SEPTIN12: variants seen among roughly 807,000 people sequenced by gnomAD.
The protein encoded by SEPTIN12 is septin-12.
A neutral mutation model predicts 37.7 loss-of-function variants in SEPTIN12; 42 were observed. The ratio of observed to expected loss-of-function variants is 1.11; its 90% CI spans 0.87 to 1.44. The LOEUF is 1.44. Ranked by LOEUF, SEPTIN12 falls within the 40% of genes most tolerant of loss-of-function variation. The pLI is 0.00. For synonymous variants in SEPTIN12, 254 were observed against 196.7 expected (o/e 1.29, Z -2.44); for missense variants, 613 against 479.2 (o/e 1.28, Z -2.61).
chr16:4,783,763 CAGGCTGCCGG>C lies in SEPTIN12; in HGVS notation c.513-7_515del, dbSNP rs754056640. 1 of 1,613,622 alleles carries C rather than the reference CAGGCTGCCGG, an allele frequency of 6.2e-7. No individual in the cohort carries two copies. The highest frequency in any genetic ancestry group is 1.1e-5 in the South Asian group (1 of 91,082). On this transcript the variant is annotated splice_acceptor_variant and splice_polypyrimidine_tract_variant and coding_sequence_variant and intron_variant, in exon 6 of 10. Coordinates refer to ENST00000268231, the MANE Select transcript of SEPTIN12 (RefSeq NM_144605.5). LOFTEE classifies it high-confidence loss of function. ...GCAGGAACTCAATGTCCAGGGGCCGCAGGCTGCCGGAGGCAGGGCAGTGATGGGGGTGGCG... is the reference window on the plus strand; with the variant it reads ...GCAGGAACTCAATGTCCAGGGGCCGCAGGCAGGGCAGTGATGGGGGTGGCG...
upstream of SEPTIN12, among the ~76,000 whole-genome samples, chr16:4,789,278 T>G (rs971947002): frequency 1.3e-5 from 2 of 152,080 alleles, no homozygotes; most frequent in African/African-American, 4.8e-5. Flanking sequence ...TCCCAAAGTG[T>G]TGGGATTAGT....
At chr16:4,789,884 TTTTCTTTCTTTTCTCCTTTCTTTTC>T (rs1337116893), upstream of SEPTIN12, 5 of 152,032 alleles carry the variant, frequency 3.3e-5, no homozygotes, top group African/African-American at 1.2e-4. Context: ...TCTCTTTCTT[TTTTCTTTCTTTTCTCCTTTCTTTTC>T]TTTCTTTTTT....
At chr16:4,791,443 G>A (rs540942163), upstream of SEPTIN12, among the ~76,000 whole-genome samples, 1 of 152,108 alleles carries the variant, frequency 6.6e-6, no homozygotes. Flanking sequence ...CTCTGACATC[G>A]ATGATCAGTT....
At chr16:4,791,607 TGACTC>T (rs1172890588), upstream of SEPTIN12, among the ~76,000 whole-genome samples, 3 of 152,188 alleles carry the variant, frequency 2.0e-5, no homozygotes, top group Non-Finnish European at 4.4e-5. Context: ...TCCAGAAGTC[TGACTC>T]ACCGGAACCA....
upstream of SEPTIN12, among the ~76,000 whole-genome samples, chr16:4,789,025 T>C (rs2082506178): frequency 6.6e-6 from 1 of 152,244 alleles, no homozygotes; most frequent in African/African-American, 2.4e-5. Context: ...TTTCTTTTTT[T>C]GTTGTTTGTT....
intron 7 of SEPTIN12, among the ~76,000 whole-genome samples, chr16:4,781,829 A>C (rs952147394): frequency 1.3e-5 from 2 of 150,056 alleles, no homozygotes; most frequent in African/African-American, 4.9e-5. Flanking sequence ...TTTTTAGGAG[A>C]GACGGGATTT....
chr16:4,779,691 T>A lies in SEPTIN12; in HGVS notation c.822A>T (p.Glu274Asp), dbSNP rs774890539. 5.6e-6 allele frequency: 9 copies of A among 1,607,790 alleles called. No individual in the cohort carries two copies. The Admixed American group carries it at 1.0e-4, about 18-fold the overall frequency. Reference protein sequence around the residue: ...LGRKTKWGIIEVENMAHCEFP... With the variant: ...LGRKTKWGIIDVENMAHCEFP... ...CCTACCCAGGGGCCCCGCACTGACC[T>A]TCAATGATGCCCCACTTGGTCTTCC... Residue 274 changes from glutamate (E) to aspartate (D), a missense_variant and splice_region_variant, in exon 8 of 10, where the codon GAA becomes GAT. Transcript: ENST00000268231.
At position 4,778,066 on chromosome 16, in the gene SEPTIN12, C is replaced by T. The variant is rs760497487; in HGVS notation, c.875+20G>A. 6.2e-7 allele frequency: 1 copy of T among 1,614,042 alleles called. No individual in the cohort carries two copies. The highest frequency in any genetic ancestry group is 1.1e-5 in the South Asian group (1 of 91,068). ...GGGCCCCTCGCCAGCCCCCTAGCCC[C>T]AGGCTCCCCACACCCTCACCGGATA... is the stretch of plus-strand genomic sequence containing the variant. On this transcript the variant is annotated intron_variant, in intron 9 of 9. Transcript: ENST00000268231.
intron 7 of SEPTIN12, 117 bp downstream of exon 7, chr16:4,783,345 T>C (rs777073665): frequency 1.2e-6 from 1 of 821,464 alleles, no homozygotes; most frequent in African/African-American, 1.7e-5. Flanking sequence ...TAGAGAATCA[T>C]ATCTGCTAGG....
upstream of SEPTIN12, among the ~76,000 whole-genome samples, chr16:4,790,975 C>G (rs2141890681): frequency 6.6e-6 from 1 of 152,292 alleles, no homozygotes; most frequent in East Asian, 1.9e-4. Flanking sequence ...GCACGGGGGC[C>G]TCTCCCATAA....
chr16:4,788,785 C>T (rs1165770960), upstream of SEPTIN12: 1 of 152,218 alleles, frequency 6.6e-6, no homozygotes, highest in African/African-American at 2.4e-5. Flanking sequence ...AGTGCTGTTA[C>T]TACCCCAAGC....
Position 4,787,498 on chromosome 16 carries a change from A to G in SEPTIN12, c.148T>C (p.Phe50Leu), listed in dbSNP as rs1163319448. Residue 50 changes from phenylalanine to leucine, a missense_variant, in exon 2 of 10, where the codon TTC becomes CTC. Physicochemically the swap from Phe to Leu is conservative, Grantham distance 22. Coordinates refer to ENST00000268231, the MANE Select transcript of SEPTIN12 (RefSeq NM_144605.5). Reference sequence around the variant, plus strand: ...CACTCACCCACCACCATGATGTTGAACTCAAACCCCATCTTCATAGCCTTG... The same window carrying G: ...CACTCACCCACCACCATGATGTTGAGCTCAAACCCCATCTTCATAGCCTTG... ...KIKAMKMGFE[F>L]NIMVVGQSGL... is the part of the protein sequence containing the mutation. 4 of 1,613,024 alleles carry G rather than the reference A, an allele frequency of 2.5e-6. No homozygotes were observed. In the East Asian group the frequency reaches 6.7e-5, roughly 27 times the overall value.
chr16:4,779,694 A>C lies in SEPTIN12; in HGVS notation c.819T>G (p.Ile273Met). 2 of 1,608,712 alleles carry C rather than the reference A, an allele frequency of 1.2e-6. No individual in the cohort carries two copies. Among genetic ancestry groups the C allele is most frequent in the South Asian group, 2.2e-5 (2 of 91,010 alleles). Residue 273 changes from isoleucine to methionine, a missense_variant, in exon 8 of 10, where the codon ATT becomes ATG. Transcript: ENST00000268231. ...VLGRKTKWGI[I>M]EVENMAHCEF... ...ACCCAGGGGCCCCGCACTGACCTTC[A>C]ATGATGCCCCACTTGGTCTTCCGGC... is the stretch of plus-strand genomic sequence containing the variant.
intron 7 of SEPTIN12, among the ~76,000 whole-genome samples, chr16:4,780,876 G>A (rs910945202): frequency 6.6e-6 from 1 of 152,166 alleles, no homozygotes; most frequent in Non-Finnish European, 1.5e-5. Context: ...TACTCAGGAG[G>A]CTGAGGTGGG....
intron 1 of SEPTIN12, chr16:4,787,931 G>A (rs987819716): frequency 4.2e-5 from 15 of 359,288 alleles, no homozygotes; most frequent in Non-Finnish European, 6.6e-5. Context: ...AGCCCAGGCA[G>A]GGGCCTCTCA....
chr16:4,780,705 G>A (rs185932076), intron 7 of SEPTIN12, among the ~76,000 whole-genome samples: 8 of 152,272 alleles, frequency 5.3e-5, no homozygotes, highest in Admixed American at 1.3e-4. Context: ...AATATTGGGC[G>A]TGGTGGCTCA....
chr16:4,785,191 C>T (rs113890721), intron 4 of SEPTIN12, among the ~76,000 whole-genome samples: 1 of 151,820 alleles, frequency 6.6e-6, no homozygotes, highest in African/African-American at 2.4e-5. Context: ...GCGGAGGTTG[C>T]AGTGAGCAGA....
At chr16:4,781,513 T>C (rs1465435074) in intron 7 of SEPTIN12, among the ~76,000 whole-genome samples, 1 of 152,166 alleles carries the variant, frequency 6.6e-6, no homozygotes. Flanking sequence ...TGCCTATGCC[T>C]ATTTGGGACA....
At chr16:4,778,414 G>A (rs941321784) in intron 8 of SEPTIN12, among the ~76,000 whole-genome samples, 7 of 152,242 alleles carry the variant, frequency 4.6e-5, no homozygotes, top group Non-Finnish European at 8.8e-5. Flanking sequence ...GGTGCCCACT[G>A]TAGGACTTGA....
Sources: gnomAD v4.1 joint callset for allele counts (sites outside exome capture counted in the v4.1 genomes callset) on GRCh38, gnomAD v4.1.1 for gene constraint, MANE v1.5 for transcripts, NCBI Gene and HGNC (gene_info 2026-07-23, HGNC 2026-07-21) for gene names.